PCDH15: variants seen among roughly 807,000 people sequenced by gnomAD.
PCDH15 encodes the protein protocadherin related 15, also known as protocadherin-15.
Under a neutral mutation model 178.5 loss-of-function variants are expected in PCDH15, and 129 were observed. The observed-to-expected ratio is 0.72, with a 90% CI of 0.63 to 0.84. The LOEUF (loss-of-function observed/expected upper bound fraction) is 0.84, where lower values mean the gene tolerates loss of function less well. PCDH15 is among the 40% of genes least tolerant of loss of function. The pLI is 0.00. For missense variants in PCDH15, 2,230 were observed against 2,099.9 expected (o/e 1.06, Z -1.21); for synonymous variants, 800 against 732.0 (o/e 1.09, Z -1.50).
At position 55,035,417 on chromosome 10, in the gene PCDH15, T is replaced by C. The variant is rs184974493; in HGVS notation, c.-80+131159A>G. ...ATTTTGTTCCTTTTTCCCTTTTTCT[T>C]ACTTGTGAATTTTTACTAACTTAAG... On this transcript the variant is annotated intron_variant, in intron 2 of 5. Coordinates refer to the PCDH15 transcript ENST00000458638. 2.2e-4 allele frequency among the ~76,000 whole-genome samples: 34 copies of C among 152,206 alleles called. No homozygotes were observed. In the East Asian group the frequency reaches 6.6e-3, roughly 29 times the overall value.
At chr10:55,022,815 A>G (rs1443647620) in intron 2 of PCDH15, among the ~76,000 whole-genome samples, 1 of 149,352 alleles carries the variant, frequency 6.7e-6, no homozygotes, top group Non-Finnish European at 1.5e-5. Flanking sequence ...CGTTCATGCC[A>G]TTCTCCTGCC....
intron 2 of PCDH15, among the ~76,000 whole-genome samples, chr10:55,618,850 G>T (rs1843530344): frequency 6.6e-6 from 1 of 152,022 alleles, no homozygotes; most frequent in South Asian, 2.1e-4. Context: ...AAAGAAAATT[G>T]TTTGTCCTAC....
At chr10:55,090,668 A>G (rs189655870) in intron 2 of PCDH15, among the ~76,000 whole-genome samples, 74 of 152,178 alleles carry the variant, frequency 4.9e-4, no homozygotes, top group Middle Eastern at 3.4e-3. Flanking sequence ...GACATGACAC[A>G]CTTCAGCACA....
chr10:55,589,795 T>C (rs2132130205), intron 2 of PCDH15, among the ~76,000 whole-genome samples: 2 of 149,598 alleles, frequency 1.3e-5, no homozygotes, highest in Admixed American at 1.3e-4. Flanking sequence ...ATGGCAATCA[T>C]TAAAAAGTCA....
In PCDH15 at chr10:53,840,338, TC is replaced by T. The variant is rs770827979; in HGVS notation, c.3964del (p.Asp1322IlefsTer39). ...CACTTACTTAAAAAGCTCATTTCTA[TC>T]GATGGCTCTGTTGGTTTGGGGGTCA... ...AIDPQTNRAI[D>X]RNELFKFLDG... On this transcript the variant is annotated frameshift_variant, in exon 29 of 38. Transcript: ENST00000644397. LOFTEE classifies it high-confidence loss of function. 1.2e-6 allele frequency: 2 copies of T among 1,614,074 alleles called. No homozygotes were observed. Among genetic ancestry groups the T allele is most frequent in the Non-Finnish European group, 1.7e-6 (2 of 1,180,016 alleles).
chr10:55,238,883 T>C (rs1841465863), intron 1 of PCDH15, among the ~76,000 whole-genome samples: 1 of 152,126 alleles, frequency 6.6e-6, no homozygotes, highest in African/African-American at 2.4e-5. Flanking sequence ...CAAAGTACTT[T>C]TGTAAGCACA....
intron 2 of PCDH15, among the ~76,000 whole-genome samples, chr10:55,372,031 T>G (rs898656882): frequency 6.6e-6 from 1 of 152,108 alleles, no homozygotes; most frequent in Non-Finnish European, 1.5e-5. Context: ...GCATAGAAAT[T>G]TAGATATTTT....
At chr10:54,059,765 G>A (rs1328895683) in intron 18 of PCDH15, among the ~76,000 whole-genome samples, 1 of 152,252 alleles carries the variant, frequency 6.6e-6, no homozygotes, top group Non-Finnish European at 1.5e-5. Context: ...AGATACGCAT[G>A]AGCAAGTCAC....
intron 2 of PCDH15, among the ~76,000 whole-genome samples, chr10:54,580,347 C>T (rs932201477): frequency 8.6e-5 from 13 of 151,920 alleles, no homozygotes; most frequent in Non-Finnish European, 1.5e-5. Flanking sequence ...TGGATGCACA[C>T]GAACTAAAAA....
At chr10:54,103,290 C>G (rs1232947089) in intron 15 of PCDH15, among the ~76,000 whole-genome samples, 1 of 152,198 alleles carries the variant, frequency 6.6e-6, no homozygotes, top group Non-Finnish European at 1.5e-5. Flanking sequence ...TAGCCAATGT[C>G]AGAGCCTTAC....
At chr10:55,338,081 A>G (rs1469134304) in intron 2 of PCDH15, among the ~76,000 whole-genome samples, 1 of 152,218 alleles carries the variant, frequency 6.6e-6, no homozygotes, top group East Asian at 1.9e-4. Context: ...TCATTAGAGA[A>G]ATGCAAATCA....
intron 2 of PCDH15, among the ~76,000 whole-genome samples, chr10:55,504,547 T>C (rs1840722044): frequency 6.6e-6 from 1 of 151,322 alleles, no homozygotes; most frequent in Non-Finnish European, 1.5e-5. Flanking sequence ...CTTTAGGAAG[T>C]AATTTAGCTT....
chr10:55,044,860 C>A (rs1840958555), intron 2 of PCDH15, among the ~76,000 whole-genome samples: 1 of 152,078 alleles, frequency 6.6e-6, no homozygotes, highest in Non-Finnish European at 1.5e-5. Flanking sequence ...ACAATCCCCA[C>A]CCTCAATGGA....
intron 18 of PCDH15, among the ~76,000 whole-genome samples, chr10:54,043,563 T>G (rs2093595497): frequency 6.6e-6 from 1 of 150,618 alleles, no homozygotes; most frequent in East Asian, 1.9e-4. Flanking sequence ...AATTTTTGTA[T>G]TTTTTTGTAC....
intron 2 of PCDH15, among the ~76,000 whole-genome samples, chr10:54,970,474 G>C (rs1838904030): frequency 6.6e-6 from 1 of 152,140 alleles, no homozygotes; most frequent in South Asian, 2.1e-4. Flanking sequence ...TAGAACATTG[G>C]TGAAAATGTG....
At chr10:55,384,207 A>G (rs1837600874) in intron 2 of PCDH15, among the ~76,000 whole-genome samples, 1 of 152,092 alleles carries the variant, frequency 6.6e-6, no homozygotes, top group South Asian at 2.1e-4. Flanking sequence ...TCCTTTTGGG[A>G]GTTGCAATAT....
intron 2 of PCDH15, among the ~76,000 whole-genome samples, chr10:55,063,952 A>G (rs1841501373): frequency 6.6e-6 from 1 of 152,102 alleles, no homozygotes; most frequent in Non-Finnish European, 1.5e-5. Context: ...TCAAATCAGG[A>G]TATTAAATAT....
chr10:55,253,171 C>T (rs2132225864), intron 1 of PCDH15, among the ~76,000 whole-genome samples: 1 of 151,342 alleles, frequency 6.6e-6, no homozygotes, highest in East Asian at 1.9e-4. Flanking sequence ...AAGACAAAGA[C>T]AGAAACAGAG....
chr10:54,366,558 A>G (rs778762064), intron 5 of PCDH15, among the ~76,000 whole-genome samples: 2 of 152,048 alleles, frequency 1.3e-5, no homozygotes, highest in Non-Finnish European at 2.9e-5. Context: ...ATAATAGATA[A>G]AATTCATGTC....
Sources: gnomAD v4.1 joint callset for allele counts (sites outside exome capture counted in the v4.1 genomes callset) on GRCh38, gnomAD v4.1.1 for gene constraint, MANE v1.5 for transcripts, NCBI Gene and HGNC (gene_info 2026-07-23, HGNC 2026-07-21) for gene names.